Variants in SNX1 observed in about 807,000 individuals in gnomAD.
SNX1 encodes the protein sorting nexin-1.
SNX1 carries 36 observed loss-of-function variants against 71.8 expected under a neutral mutation model. That is an observed-to-expected ratio of 0.50 (90% confidence interval 0.38 to 0.66). SNX1 has a LOEUF of 0.66. Among genes scored for constraint, SNX1 ranks in the 30% least tolerant of loss-of-function variants. SNX1 has a pLI of 0.00. For synonymous variants in SNX1, 254 were observed against 240.7 expected, an observed-to-expected ratio of 1.06 and a Z score of -0.51; for missense variants, 612 against 646.7, an observed-to-expected ratio of 0.95 and a Z score of 0.58.
chr15:64,126,445 G>A (rs750589288), intron 6 of SNX1, among the ~76,000 whole-genome samples: 7 of 152,130 alleles, frequency 4.6e-5, no homozygotes, highest in East Asian at 3.9e-4. Flanking sequence ...AGAGATGTTC[G>A]TTTGTTTTCT....
At chr15:64,111,895 GTTTGCCGCTGATCACTGAGC>G (rs2081081477) in intron 1 of SNX1, among the ~76,000 whole-genome samples, 1 of 152,138 alleles carries the variant, frequency 6.6e-6, no homozygotes, top group Non-Finnish European at 1.5e-5. Flanking sequence ...CCCCACCCTT[GTTTGCCGCTGATCACTGAGC>G]TTTGAATAAA....
chr15:64,122,512 A>G (rs1221577903), intron 4 of SNX1, among the ~76,000 whole-genome samples: 3 of 152,226 alleles, frequency 2.0e-5, no homozygotes, highest in Non-Finnish European at 4.4e-5. Flanking sequence ...ATTTCCAGCC[A>G]TCTTACTGAA....
At chr15:64,101,094 G>A (rs373917201) in intron 1 of SNX1, among the ~76,000 whole-genome samples, 13 of 152,104 alleles carry the variant, frequency 8.5e-5, no homozygotes, top group African/African-American at 2.7e-4. Context: ...GAGTCACCAC[G>A]CTTGGCCCAA....
In SNX1 at chr15:64,096,179, T is replaced by C. The variant is rs1285849761; in HGVS notation, c.159+7T>C. On this transcript the variant is annotated splice_region_variant and intron_variant, in intron 1 of 14. Transcript: ENST00000559844. The stretch of plus-strand genomic sequence containing the variant: ...CACCGGCGCCGCGGTGGTCGTGAGT[T>C]TGCACCCCTCGGGGTAGCAGGCGGG... 1 of 1,548,696 alleles carries C rather than the reference T, an allele frequency of 6.5e-7. No homozygotes were observed. Among genetic ancestry groups the C allele is most frequent in the African/African-American group, 1.4e-5 (1 of 72,928 alleles).
chr15:64,130,259 G>C lies in SNX1; in HGVS notation c.953G>C (p.Cys318Ser), dbSNP rs1260962035. 6.2e-7 allele frequency: 1 copy of C among 1,614,186 alleles called. No individual in the cohort carries two copies. Among genetic ancestry groups the C allele is most frequent in the Non-Finnish European group, 8.5e-7 (1 of 1,180,034 alleles). Residue 318 changes from cysteine (C) to serine (S), a missense_variant, in exon 10 of 15, where the codon TGT becomes TCT. Transcript: ENST00000559844. ...GAGGAGAAGCTCCAGGAGGTAGAGT[G>C]TGAGGAGCAGCGCTTACGGAAACTG... ...WFEEKLQEVE[C>S]EEQRLRKLHA...
intron 12 of SNX1, among the ~76,000 whole-genome samples, chr15:64,135,371 A>G (rs562522689): frequency 1.3e-4 from 19 of 145,350 alleles, no homozygotes; most frequent in Non-Finnish European, 2.7e-4. Context: ...AAGTGCTGGG[A>G]TTACAGGCGT....
At chr15:64,124,525 AT>A (rs2081230507) in intron 5 of SNX1, among the ~76,000 whole-genome samples, 1 of 151,442 alleles carries the variant, frequency 6.6e-6, no homozygotes, top group African/African-American at 2.4e-5. Context: ...AAAAAAAAAA[AT>A]AGTATCATGC....
At chr15:64,105,797 A>T (rs1348926158) in intron 1 of SNX1, among the ~76,000 whole-genome samples, 2 of 152,108 alleles carry the variant, frequency 1.3e-5, no homozygotes, top group African/African-American at 2.4e-5. Flanking sequence ...GATTTTCCTT[A>T]ACTAGCTCAG....
intron 3 of SNX1, among the ~76,000 whole-genome samples, chr15:64,118,446 A>T (rs1453917333): frequency 6.6e-6 from 1 of 152,258 alleles, no homozygotes; most frequent in Non-Finnish European, 1.5e-5. Context: ...GAAGGCTTTC[A>T]GTGGTTACTA....
intron 1 of SNX1, among the ~76,000 whole-genome samples, chr15:64,109,398 GA>G (rs981839931): frequency 1.3e-5 from 2 of 152,152 alleles, no homozygotes; most frequent in African/African-American, 4.8e-5. Flanking sequence ...ACTTAGCATA[GA>G]AAAATAGGTG....
In SNX1 at chr15:64,134,512, T is replaced by C. The variant is rs1386979922; in HGVS notation, c.1222-152T>C. ...TTACCCAAGCTTTGCTCCTAGACAT[T>C]AAACTTCCCAGCTGGGCACTAACAT... On this transcript the variant is annotated intron_variant, in intron 11 of 14. Transcript: ENST00000559844. This position sits in a 1 kb window ranked among gnomAD's most constrained non-coding sequence, Gnocchi z 4.1. 2.3e-6 allele frequency: 2 copies of C among 871,496 alleles called. No individual in the cohort carries two copies. The highest frequency in any genetic ancestry group is 3.4e-6 in the Non-Finnish European group (2 of 583,860). The allele number at this position is 871,496 out of a possible 1,614,324, so 54.0% of individuals were successfully genotyped here.
At chr15:64,119,342 A>G (rs2081167195) in intron 4 of SNX1, among the ~76,000 whole-genome samples, 3 of 151,934 alleles carry the variant, frequency 2.0e-5, no homozygotes, top group African/African-American at 7.3e-5. Context: ...GGCTGGTCTC[A>G]AACTCCTGGC....
intron 2 of SNX1, among the ~76,000 whole-genome samples, chr15:64,116,702 C>G (rs1215181729): frequency 6.6e-6 from 1 of 152,150 alleles, no homozygotes; most frequent in African/African-American, 2.4e-5. Flanking sequence ...TTTATGTTTT[C>G]TGTTACTAAA....
At chr15:64,127,007 G>A (rs1032518412) in intron 6 of SNX1, among the ~76,000 whole-genome samples, 167 bp from the exon 7 acceptor site, 1 of 152,228 alleles carries the variant, frequency 6.6e-6, no homozygotes, top group African/African-American at 2.4e-5. Flanking sequence ...TTTCAAAAGT[G>A]GCTCTCATGT....
Position 64,134,013 on chromosome 15 carries a change from G to A in SNX1, c.1222-651G>A, listed in dbSNP as rs554234543. 2.0e-5 allele frequency among the ~76,000 whole-genome samples: 3 copies of A among 152,338 alleles called. No homozygotes were observed. The highest frequency in any genetic ancestry group is 4.1e-4 in the South Asian group (2 of 4,832). On this transcript the variant is annotated intron_variant, in intron 11 of 14. Transcript: ENST00000559844. The surrounding 1 kb of genome is among the most constrained non-coding windows in gnomAD (Gnocchi z 4.1). ...CAGGTGAGTGTGTGGTTGGGAAAAA[G>A]CAATGTGGCCCTATGGTGGTTTTAG...
chr15:64,118,135 C>G lies in SNX1; in HGVS notation c.290C>G (p.Ser97Cys). 6.2e-7 allele frequency: 1 copy of G among 1,612,794 alleles called. No homozygotes were observed. The highest frequency in any genetic ancestry group is 8.5e-7 in the Non-Finnish European group (1 of 1,179,642). The change falls in exon 3 of 15, where the codon TCC (serine) becomes TGC (cysteine). Residue 97 changes from serine (S) to cysteine (C), a missense_variant. This residue lies in a region of SNX1 where 316 missense variants were observed against 284.9 expected (regional missense o/e 1.11). Transcript: ENST00000559844. ...DLFADATVEL[S>C]LDSTQNNQKK... ...ATTTTAGATGCCACAGTGGAGCTAT[C>G]CTTGGACAGCACACAAAATAATCAG...
At position 64,134,733 on chromosome 15, in the gene SNX1, C is replaced by T. The variant is rs1197690499; in HGVS notation, c.1291C>T (p.Arg431Trp). 8 of 1,613,806 alleles carry T rather than the reference C, an allele frequency of 5.0e-6. No homozygotes were observed. The highest frequency in any genetic ancestry group is 4.0e-5 in the African/African-American group (3 of 74,928). ...QDAQATLQKKREAEARLLWAN... is the reference protein window; with the variant it reads ...QDAQATLQKKWEAEARLLWAN... ...TGCCCAAGCCACACTGCAGAAGAAG[C>T]GGGAGGCCGAGGCTCGGCTGCTGTG... The change falls in exon 12 of 15, where the codon CGG becomes TGG. Residue 431 changes from arginine (R) to tryptophan (W), a missense_variant. This residue lies in a region of SNX1 where 296 missense variants were observed against 361.9 expected (regional missense o/e 0.82). Transcript: ENST00000559844. This position sits in a 1 kb window ranked among gnomAD's most constrained non-coding sequence, Gnocchi z 4.1.
intron 1 of SNX1, among the ~76,000 whole-genome samples, chr15:64,100,626 A>AAG (rs1567315000): frequency 6.3e-5 from 9 of 142,884 alleles, no homozygotes; most frequent in African/African-American, 2.2e-4. Context: ...AAAAAAAAAA[A>AAG]GAGACTCAAA....
intron 11 of SNX1, 36 bp downstream of exon 11, chr15:64,131,928 A>G (rs1423853012): frequency 6.2e-6 from 10 of 1,604,034 alleles, no homozygotes. Context: ...CCTTCCCTTG[A>G]TTTGATTTGT....
Sources: allele counts gnomAD v4.1 joint callset (sites outside exome capture counted in the v4.1 genomes callset), GRCh38; gene constraint gnomAD v4.1.1; regional missense constraint gnomAD v4.1.1; non-coding constraint Gnocchi (gnomAD v3.1); transcripts MANE v1.5; gene names NCBI Gene and HGNC (gene_info 2026-07-23, HGNC 2026-07-21).